The following WDR33 variants were observed in gnomAD, a reference collection of about 807,000 sequenced individuals.
The protein encoded by WDR33 is pre-mRNA 3' end processing protein WDR33.
In WDR33, 47 loss-of-function variants were observed where a neutral mutation model predicts 164.9. That is an observed-to-expected ratio of 0.29 (90% confidence interval 0.23 to 0.36). The LOEUF is 0.36. Among genes scored for constraint, WDR33 ranks in the 10% least tolerant of loss-of-function variants. The pLI is 1.00. For synonymous variants in WDR33, 505 were observed against 589.0 expected (o/e 0.86, Z 2.06); for missense variants, 1,137 against 1,754.1 (o/e 0.65, Z 6.28).
chr2:127,707,952 C>G (rs2105369534), intron 21 of WDR33, among the ~76,000 whole-genome samples: 1 of 152,242 alleles, frequency 6.6e-6, no homozygotes, highest in East Asian at 1.9e-4. Flanking sequence ...GAAAAAAACC[C>G]AAAAAGACCA....
intron 2 of WDR33, among the ~76,000 whole-genome samples, chr2:127,769,211 C>T (rs2105442166): frequency 6.6e-6 from 1 of 152,196 alleles, no homozygotes; most frequent in Admixed American, 6.6e-5. Context: ...AACTTCCCTC[C>T]TCGAGGTGCC....
At chr2:127,725,518 C>T (rs1025147049) in intron 8 of WDR33, among the ~76,000 whole-genome samples, 7 of 152,134 alleles carry the variant, frequency 4.6e-5, no homozygotes, top group Admixed American at 1.3e-4. Flanking sequence ...GAGTGGATCA[C>T]CTGAGGTCAG....
chr2:127,776,857 C>T (rs1688200158), intron 1 of WDR33, among the ~76,000 whole-genome samples: 1 of 152,170 alleles, frequency 6.6e-6, no homozygotes, highest in Admixed American at 6.5e-5. Context: ...GGATTATACT[C>T]CAAAGATCTA....
At chr2:127,780,135 A>G (rs959494153) in intron 1 of WDR33, among the ~76,000 whole-genome samples, 1 of 152,008 alleles carries the variant, frequency 6.6e-6, no homozygotes, top group Non-Finnish European at 1.5e-5. Context: ...CACCACGCCC[A>G]GCTAATTTTT....
At chr2:127,787,322 T>C (rs1224600974) in intron 1 of WDR33, among the ~76,000 whole-genome samples, 1 of 113,214 alleles carries the variant, frequency 8.8e-6, no homozygotes, top group East Asian at 2.5e-4. Flanking sequence ...TGCCTTTCTA[T>C]TCCACAAAGC....
At chr2:127,807,031 A>C (rs1273821665) in intron 1 of WDR33, among the ~76,000 whole-genome samples, 1 of 151,890 alleles carries the variant, frequency 6.6e-6, no homozygotes, top group Non-Finnish European at 1.5e-5. Context: ...TTAAGACGGC[A>C]TTTCACTCTT....
At chr2:127,762,996 G>C in intron 7 of WDR33, 66 bp downstream of exon 7, 1 of 1,609,222 alleles carries the variant, frequency 6.2e-7, no homozygotes, top group Non-Finnish European at 8.5e-7. Flanking sequence ...TTGTGGTTTT[G>C]TGATGATTTA....
chr2:127,706,524 T>A lies in WDR33; in HGVS notation c.3810A>T (p.Arg1270Ser). ...KGRGGPGPAQRVPKSGRSSSL... is the reference protein window; with the variant it reads ...KGRGGPGPAQSVPKSGRSSSL... ...AGCTGGAACGCCCAGATTTGGGCAC[T>A]CTCTGAGCAGGTCCTGGGCCCCCTC... is the stretch of plus-strand genomic sequence containing the variant. The change falls in exon 22 of 22, where the codon AGA becomes AGT. Residue 1270 changes from arginine to serine, a missense_variant. Transcript: ENST00000322313. This position sits in a 1 kb window ranked among gnomAD's most constrained non-coding sequence, Gnocchi z 5.1. 11 of 1,612,538 alleles carry A rather than the reference T, an allele frequency of 6.8e-6. No homozygotes were observed. Among genetic ancestry groups the A allele is most frequent in the South Asian group, 2.2e-5 (2 of 90,784 alleles).
Position 127,717,287 on chromosome 2 carries a change from G to C in WDR33, c.2761-24C>G. On this transcript the variant is annotated intron_variant, in intron 16 of 21. Coordinates refer to ENST00000322313, the MANE Select transcript of WDR33 (RefSeq NM_018383.5). This position sits in a 1 kb window ranked among gnomAD's most constrained non-coding sequence, Gnocchi z 5.6. ...TCCTGAAAATATGTTTTTAAAGTAA[G>C]GGTATGAAATCACAGGCTTGAGCTA... The C allele has an allele frequency of 1.3e-6, 2 of 1,534,378 alleles. No individual in the cohort carries two copies. The highest frequency in any genetic ancestry group is 8.8e-7 in the Non-Finnish European group (1 of 1,142,494).
At position 127,756,123 on chromosome 2, in the gene WDR33, C is replaced by A. The variant is rs146950014; in HGVS notation, c.724+6939G>T. On this transcript the variant is annotated intron_variant, in intron 7 of 21. Coordinates refer to ENST00000322313, the MANE Select transcript of WDR33 (RefSeq NM_018383.5). ...CTGAGACGAGCGGATCACTTGAGGTCAGGAGTTCGAGACCAGCCTGGCTGA... is the reference window on the plus strand; with the variant it reads ...CTGAGACGAGCGGATCACTTGAGGTAAGGAGTTCGAGACCAGCCTGGCTGA... 8.3e-3 allele frequency among the ~76,000 whole-genome samples: 1,261 copies of A among 152,170 alleles called. 7 individuals are homozygous for A. Among genetic ancestry groups the A allele is most frequent in the Non-Finnish European group, 0.013 (869 of 68,002 alleles).
intron 1 of WDR33, among the ~76,000 whole-genome samples, chr2:127,784,626 T>G (rs1439560981): frequency 6.6e-6 from 1 of 152,106 alleles, no homozygotes; most frequent in Non-Finnish European, 1.5e-5. Context: ...ATCTATCTAC[T>G]CACCTTGACC....
At chr2:127,810,128 A>G (rs1205233596) in intron 1 of WDR33, among the ~76,000 whole-genome samples, 1 of 152,216 alleles carries the variant, frequency 6.6e-6, no homozygotes, top group African/African-American at 2.4e-5. Flanking sequence ...AAAAAAGTAA[A>G]GTCTACGCTC....
At position 127,763,218 on chromosome 2, in the gene WDR33, C is replaced by A. The variant is rs1467771614; in HGVS notation, c.627-59G>T. 6.2e-7 allele frequency: 1 copy of A among 1,611,778 alleles called. No homozygotes were observed. Among genetic ancestry groups the A allele is most frequent in the Non-Finnish European group, 8.5e-7 (1 of 1,178,602 alleles). On this transcript the variant is annotated intron_variant, in intron 6 of 21. Transcript: ENST00000322313. The surrounding 1 kb of genome is among the most constrained non-coding windows in gnomAD (Gnocchi z 4.5). ...GTCAGCATTTAACAGATAATCTGTG[C>A]TTCTCAGACAGGGAAAAATAAAAAC...
chr2:127,766,808 C>T (rs181226860), intron 4 of WDR33, among the ~76,000 whole-genome samples: 2 of 151,342 alleles, frequency 1.3e-5, no homozygotes, highest in Admixed American at 6.6e-5. Flanking sequence ...TCGATCTTGT[C>T]GCCCAGGCTA....
intron 7 of WDR33, among the ~76,000 whole-genome samples, chr2:127,755,435 T>A (rs113310157): frequency 6.6e-6 from 1 of 152,342 alleles, no homozygotes; most frequent in African/African-American, 2.4e-5. Flanking sequence ...TCCTCTACCA[T>A]GATCCACAAA....
rs1370920651 is a variant in WDR33, at chr2:127,723,132, G to T, written c.1292-88C>A. 5.5e-5 allele frequency: 79 copies of T among 1,423,934 alleles called. No homozygotes were observed. The highest frequency in any genetic ancestry group is 7.4e-5 in the Non-Finnish European group (77 of 1,042,072). The allele number at this position is 1,423,934 out of a possible 1,614,324, so 88.2% of individuals were successfully genotyped here. On this transcript the variant is annotated intron_variant, in intron 12 of 21. Transcript: ENST00000322313. The surrounding 1 kb of genome is among the most constrained non-coding windows in gnomAD (Gnocchi z 5.9). Reference sequence around the variant, plus strand: ...ATGCTTTATAAAAATGAATGTCACTGATGATTTATAAATAAATCTACTATA... The same window carrying T: ...ATGCTTTATAAAAATGAATGTCACTTATGATTTATAAATAAATCTACTATA...
At position 127,709,696 on chromosome 2, in the gene WDR33, G is replaced by A; in HGVS notation, c.3469C>T (p.Arg1157Ter). The A allele has an allele frequency of 2.5e-6, 4 of 1,614,144 alleles. No homozygotes were observed. The highest frequency in any genetic ancestry group is 3.4e-6 in the Non-Finnish European group (4 of 1,180,016). The change falls in exon 19 of 22, where the codon CGA becomes TGA. Residue 1157 changes from arginine to a stop codon, truncating the protein, a stop_gained. Transcript: ENST00000322313. LOFTEE classifies it high-confidence loss of function. The surrounding 1 kb of genome is among the most constrained non-coding windows in gnomAD (Gnocchi z 5.0). ...DLRGRGRGTP[R>*]GGRKGLLPTP... ...GTGTCTTTAGTAACTCGCTCACCTC[G>A]TGGGGTACCCCGACCTCGACCTCTG...
intron 17 of WDR33, among the ~76,000 whole-genome samples, chr2:127,715,967 G>A (rs1253093403): frequency 2.0e-5 from 3 of 152,172 alleles, no homozygotes; most frequent in Non-Finnish European, 4.4e-5. Flanking sequence ...AAAAGGGAAA[G>A]AGCAAGGATG....
chr2:127,716,950 T>C lies in WDR33; in HGVS notation c.2869+205A>G, dbSNP rs959690038. ...GCTGGAGCCTGTGCGGGTGCCTTCA[T>C]TGTCAGCCTCTGGGGTGAGGGGCTT... On this transcript the variant is annotated intron_variant, in intron 17 of 21. Coordinates refer to ENST00000322313, the MANE Select transcript of WDR33 (RefSeq NM_018383.5). This position sits in a 1 kb window ranked among gnomAD's most constrained non-coding sequence, Gnocchi z 4.5. Among the ~76,000 whole-genome samples, 3 of 152,212 alleles carry C rather than the reference T, an allele frequency of 2.0e-5. No homozygotes were observed. The highest frequency in any genetic ancestry group is 6.5e-5 in the Admixed American group (1 of 15,278).
Sources: allele counts gnomAD v4.1 joint callset (sites outside exome capture counted in the v4.1 genomes callset), GRCh38; gene constraint gnomAD v4.1.1; non-coding constraint Gnocchi (gnomAD v3.1); transcripts MANE v1.5; gene names NCBI Gene and HGNC (gene_info 2026-07-23, HGNC 2026-07-21).